ADAM10: variants seen among roughly 807,000 people sequenced by gnomAD.
ADAM10 encodes the protein disintegrin and metalloproteinase domain-containing protein 10.
A neutral mutation model predicts 90.1 loss-of-function variants in ADAM10; 17 were observed. That is an observed-to-expected ratio of 0.19 (90% CI 0.13 to 0.28). The LOEUF (loss-of-function observed/expected upper bound fraction) is 0.28. ADAM10 is among the 10% of genes least tolerant of loss of function. ADAM10 has a pLI of 1.00. For synonymous variants in ADAM10, 310 were observed against 298.6 expected (o/e 1.04, Z -0.40); for missense variants, 610 against 914.3 (o/e 0.67, Z 4.29).
Position 58,597,327 on chromosome 15 carries a change from A to G in ADAM10, c.*220T>C. 1.3e-6 allele frequency: 2 copies of G among 1,484,974 alleles called. No homozygotes were observed. The highest frequency in any genetic ancestry group is 1.8e-6 in the Non-Finnish European group (2 of 1,103,440). The allele number at this position is 1,484,974 out of a possible 1,614,324, so 92.0% of individuals were successfully genotyped here. On this transcript the variant is annotated 3_prime_UTR_variant, in exon 16 of 16. Transcript: ENST00000260408. ...ATTAAGTTAAAAATATCTGTTCATA[A>G]GAAAATTGGGTTCCTTTTCCACCTC... is the stretch of plus-strand genomic sequence containing the variant.
At chr15:58,692,187 G>A (rs1897835705) in intron 2 of ADAM10, 3 of 557,132 alleles carry the variant, frequency 5.4e-6, no homozygotes, top group Admixed American at 3.8e-5. Flanking sequence ...AAAGGTCAAA[G>A]GGAGCCTGAT....
chr15:58,671,207 CT>C, intron 4 of ADAM10, among the ~76,000 whole-genome samples: 1 of 152,244 alleles, frequency 6.6e-6, no homozygotes, highest in Non-Finnish European at 1.5e-5. Context: ...TAAGAAGTCT[CT>C]AGAAGCTAAA....
chr15:58,610,415 C>G lies in ADAM10; in HGVS notation c.1907G>C (p.Arg636Thr), dbSNP rs1432363290. ...CCGCATGAAAACATCACAGTAACCT[C>G]TAAAATCGTTGCAAGGGGATCCAGG... ...LQPGSPCNDF[R>T]GYCDVFMRCR... is the part of the protein sequence containing the mutation. The change falls in exon 14 of 16, where the codon AGA becomes ACA. Residue 636 changes from arginine to threonine, a missense_variant. Arg to Thr is a moderately conservative substitution (Grantham distance 71, BLOSUM62 -1). Around this residue, in one of 4 missense-constraint regions of ADAM10, gnomAD observed 150 missense variants for 268.5 expected, o/e 0.56. Transcript: ENST00000260408. The G allele has an allele frequency of 6.2e-7, 1 of 1,614,060 alleles. No homozygotes were observed. The highest frequency in any genetic ancestry group is 1.3e-5 in the African/African-American group (1 of 74,922).
chr15:58,702,269 G>A (rs1017818614), intron 2 of ADAM10, among the ~76,000 whole-genome samples: 7 of 152,168 alleles, frequency 4.6e-5, no homozygotes, highest in Admixed American at 4.6e-4. Context: ...GTAGACAGCA[G>A]AATGATAGAT....
intron 1 of ADAM10, among the ~76,000 whole-genome samples, chr15:58,721,716 T>C (rs1478776368): frequency 6.6e-6 from 1 of 152,032 alleles, no homozygotes; most frequent in African/African-American, 2.4e-5. Flanking sequence ...AAGGCCCCTG[T>C]CTCTACAAAA....
At chr15:58,742,456 G>A (rs987745967) in intron 1 of ADAM10, among the ~76,000 whole-genome samples, 12 of 152,048 alleles carry the variant, frequency 7.9e-5, no homozygotes, top group Non-Finnish European at 1.3e-4. Flanking sequence ...ATACATTTTC[G>A]ACTTACGATA....
Position 58,665,159 on chromosome 15 carries a change from C to T in ADAM10, c.523G>A (p.Asp175Asn), listed in dbSNP as rs371036827. 9 of 1,613,290 alleles carry T rather than the reference C, an allele frequency of 5.6e-6. No homozygotes were observed. The African/African-American group carries it at 1.2e-4, about 22-fold the overall frequency. ...HKYGPQGGCA[D>N]HSVFERMRKY... ...CTCATTCTTTCAAATACTGAATGAT[C>T]TGCACAGCCCCCCTGAGGACCGTAT... The change falls in exon 5 of 16, where the codon GAT becomes AAT. Residue 175 changes from aspartate (D) to asparagine (N), a missense_variant. This residue lies in a region of ADAM10 where 310 missense variants were observed against 362.4 expected (regional missense o/e 0.86). Coordinates refer to ENST00000260408, the MANE Select transcript of ADAM10 (RefSeq NM_001110.4).
chr15:58,686,519 C>T, intron 2 of ADAM10: 2 of 1,424,032 alleles, frequency 1.4e-6, no homozygotes, highest in Admixed American at 3.7e-5. Context: ...AGAGCTTCAA[C>T]AGTACTGTAT....
At chr15:58,671,881 C>G (rs1359795318) in intron 4 of ADAM10, among the ~76,000 whole-genome samples, 1 of 151,930 alleles carries the variant, frequency 6.6e-6, no homozygotes, top group Non-Finnish European at 1.5e-5. Flanking sequence ...AGCCTTTAAA[C>G]TCTCCTAACT....
intron 2 of ADAM10, among the ~76,000 whole-genome samples, chr15:58,705,626 G>T (rs563986390): frequency 6.6e-5 from 10 of 152,098 alleles, no homozygotes; most frequent in Non-Finnish European, 1.5e-4. Flanking sequence ...ACCACCTTTG[G>T]TGCAGAGCAA....
intron 4 of ADAM10, among the ~76,000 whole-genome samples, chr15:58,665,911 T>C (rs751450661): frequency 4.9e-4 from 75 of 152,016 alleles, no homozygotes; most frequent in Admixed American, 2.6e-4. Context: ...TCATCATTCA[T>C]GACGATGATC....
chr15:58,610,114 C>G (rs1895397117), intron 14 of ADAM10, 183 bp downstream of exon 14: 1 of 662,336 alleles, frequency 1.5e-6, no homozygotes, highest in African/African-American at 1.8e-5. Flanking sequence ...GAATGATACA[C>G]ATGATTCTGA....
intron 11 of ADAM10, among the ~76,000 whole-genome samples, chr15:58,615,608 T>C (rs1383011105): frequency 4.6e-5 from 7 of 152,064 alleles, no homozygotes; most frequent in African/African-American, 1.2e-4. Context: ...TAAAGACATA[T>C]ATAGACTAAA....
At chr15:58,739,266 G>T (rs974451634) in intron 1 of ADAM10, among the ~76,000 whole-genome samples, 7 of 152,074 alleles carry the variant, frequency 4.6e-5, no homozygotes, top group African/African-American at 1.7e-4. Flanking sequence ...CAGCACTTTG[G>T]GAGGCCAAGG....
intron 2 of ADAM10, chr15:58,691,298 C>T: frequency 8.0e-7 from 1 of 1,247,134 alleles, no homozygotes; most frequent in Non-Finnish European, 1.2e-6. Flanking sequence ...TAACTGACAG[C>T]AGGCTCTTCC....
At chr15:58,651,189 T>C (rs1412467716) in intron 5 of ADAM10, among the ~76,000 whole-genome samples, 2 of 152,188 alleles carry the variant, frequency 1.3e-5, no homozygotes, top group African/African-American at 4.8e-5. Context: ...GAATGCAATG[T>C]GTAAATCACA....
intron 2 of ADAM10, among the ~76,000 whole-genome samples, chr15:58,716,766 G>T (rs911315736): frequency 1.5e-4 from 23 of 152,152 alleles, no homozygotes; most frequent in African/African-American, 4.8e-4. Context: ...TTATTAGGAA[G>T]TGAACACTAC....
intron 2 of ADAM10, among the ~76,000 whole-genome samples, chr15:58,716,957 T>C (rs1898680958): frequency 6.6e-6 from 1 of 152,188 alleles, no homozygotes; most frequent in South Asian, 2.1e-4. Flanking sequence ...GTAAGTTATT[T>C]AACTTCTCTG....
At chr15:58,673,245 C>A (rs1347269028) in intron 4 of ADAM10, among the ~76,000 whole-genome samples, 1 of 152,104 alleles carries the variant, frequency 6.6e-6, no homozygotes. Flanking sequence ...TGTAAGCCAG[C>A]ATGAAAATCT....
Sources: allele counts gnomAD v4.1 joint callset (sites outside exome capture counted in the v4.1 genomes callset), GRCh38; gene constraint gnomAD v4.1.1; regional missense constraint gnomAD v4.1.1; transcripts MANE v1.5; gene names NCBI Gene and HGNC (gene_info 2026-07-23, HGNC 2026-07-21).